Variants in RAB6B observed in about 807,000 individuals in gnomAD.
RAB6B encodes the protein RAB6B, member RAS oncogene family.
In RAB6B, 7 loss-of-function variants were observed where a neutral mutation model predicts 31.2. The ratio of observed to expected loss-of-function variants is 0.22; its 90% CI spans 0.13 to 0.42. The LOEUF is 0.42. RAB6B is among the 10% of genes least tolerant of loss of function. The pLI, the probability that RAB6B is intolerant of heterozygous loss-of-function variation, is 1.00. For missense variants in RAB6B, 149 were observed against 280.6 expected (o/e 0.53, Z 3.35); for synonymous variants, 105 against 104.9 (o/e 1.00, Z -0.01).
At chr3:133,873,422 A>C (rs1434183560) in intron 1 of RAB6B, among the ~76,000 whole-genome samples, 2 of 151,990 alleles carry the variant, frequency 1.3e-5, no homozygotes, top group Admixed American at 6.5e-5. Flanking sequence ...TTTTTCCCCC[A>C]GAGGCTCCAC....
intron 2 of RAB6B, among the ~76,000 whole-genome samples, chr3:133,847,226 C>T (rs7617860): frequency 0.035 from 5,277 of 152,314 alleles, 317 homozygotes; most frequent in African/African-American, 0.12. Flanking sequence ...TTCTGTGTCA[C>T]TGCTAAGAAA....
chr3:133,866,248 C>A (rs753236103), intron 1 of RAB6B, among the ~76,000 whole-genome samples: 1 of 152,090 alleles, frequency 6.6e-6, no homozygotes, highest in Non-Finnish European at 1.5e-5. Flanking sequence ...CAACTCTGGG[C>A]GGCACTCAAG....
chr3:133,863,513 A>G (rs1458022028), intron 2 of RAB6B, among the ~76,000 whole-genome samples: 1 of 152,226 alleles, frequency 6.6e-6, no homozygotes, highest in Non-Finnish European at 1.5e-5. Flanking sequence ...CTCGATAACC[A>G]AGGGATTCCA....
chr3:133,865,939 C>T (rs1936231860), intron 1 of RAB6B, among the ~76,000 whole-genome samples: 1 of 152,218 alleles, frequency 6.6e-6, no homozygotes, highest in Non-Finnish European at 1.5e-5. Context: ...GGGCTAAATT[C>T]AGAAGACCCC....
intron 1 of RAB6B, among the ~76,000 whole-genome samples, chr3:133,879,362 AG>A (rs1425779491): frequency 6.6e-6 from 1 of 152,246 alleles, no homozygotes; most frequent in African/African-American, 2.4e-5. Context: ...AAGGAACTAG[AG>A]TATAACTGTA....
intron 1 of RAB6B, among the ~76,000 whole-genome samples, chr3:133,884,516 C>G (rs189933469): frequency 1.3e-5 from 2 of 152,180 alleles, no homozygotes; most frequent in Admixed American, 6.5e-5. Context: ...TTGGGGACTC[C>G]GGAGCTTGCT....
At chr3:133,871,418 GGAT>G (rs1936321983) in intron 1 of RAB6B, among the ~76,000 whole-genome samples, 1 of 152,226 alleles carries the variant, frequency 6.6e-6, no homozygotes, top group Non-Finnish European at 1.5e-5. Flanking sequence ...GGAAGGGACT[GGAT>G]GAAACGACAG....
chr3:133,858,254 T>C (rs1404154967), intron 2 of RAB6B, among the ~76,000 whole-genome samples: 2 of 152,234 alleles, frequency 1.3e-5, no homozygotes, highest in Non-Finnish European at 2.9e-5. Flanking sequence ...TTAATTTCTC[T>C]TAAAATCAGG....
At position 133,828,191 on chromosome 3, in the gene RAB6B, T is replaced by C. The variant is rs1283833756; in HGVS notation, c.*597A>G. ...CGAGGTTGACGACCCACTCTGGCCA[T>C]GGAAAGACAAGAGTCAGAGCTACCT... On this transcript the variant is annotated 3_prime_UTR_variant, in exon 8 of 8. Coordinates refer to ENST00000285208, the MANE Select transcript of RAB6B (RefSeq NM_016577.4). 10 of 577,026 alleles carry C rather than the reference T, an allele frequency of 1.7e-5. No individual in the cohort carries two copies. Among genetic ancestry groups the C allele is most frequent in the Non-Finnish European group, 3.1e-5 (10 of 324,068 alleles). The allele number at this position is 577,026 out of a possible 1,614,324, so 35.7% of individuals were successfully genotyped here. A position where few individuals can be genotyped will look rare whatever the true frequency, so the allele number is the denominator to read the frequency against.
intron 1 of RAB6B, among the ~76,000 whole-genome samples, chr3:133,865,606 C>T (rs1418662214): frequency 6.6e-6 from 1 of 152,264 alleles, no homozygotes; most frequent in Non-Finnish European, 1.5e-5. Context: ...AGTGGGGAAT[C>T]TGCCCAGCTG....
chr3:133,837,755 A>C (rs1935758422), intron 6 of RAB6B, among the ~76,000 whole-genome samples: 1 of 152,130 alleles, frequency 6.6e-6, no homozygotes, highest in African/African-American at 2.4e-5. Context: ...AGCCCTGAGC[A>C]CTTGCTAAGC....
chr3:133,888,657 T>C (rs1936587607), intron 1 of RAB6B, among the ~76,000 whole-genome samples: 1 of 152,242 alleles, frequency 6.6e-6, no homozygotes, highest in South Asian at 2.1e-4. Flanking sequence ...TGCTAAATTA[T>C]GTATATCAGT....
rs1221130215 is a variant in RAB6B at position 133,866,219 on chromosome 3, C to T, written c.71-1577G>A. 2.6e-5 allele frequency among the ~76,000 whole-genome samples: 4 copies of T among 152,136 alleles called. No individual in the cohort carries two copies. In the East Asian group the frequency reaches 7.7e-4, roughly 29 times the overall value. ...TATCAGATGGAAAAAATATATGTAT[C>T]ACCACCACCCCCAGCCCTCAACTCT... On this transcript the variant is annotated intron_variant, in intron 1 of 7. Coordinates refer to ENST00000285208, the MANE Select transcript of RAB6B (RefSeq NM_016577.4).
rs1225139468 is a variant in RAB6B at position 133,895,259 on chromosome 3, C to T, written c.70+138G>A. On this transcript the variant is annotated intron_variant, in intron 1 of 7. Coordinates refer to ENST00000285208, the MANE Select transcript of RAB6B (RefSeq NM_016577.4). ...CTCCCCAGCCCGACCCCGCCCCGAC[C>T]TCCCCATCCCTGTCCCTCTCCTCTA... The T allele has an allele frequency of 4.5e-6, 4 of 892,728 alleles. No homozygotes were observed. In the African/African-American group the frequency reaches 5.1e-5, roughly 11 times the overall value. The allele number at this position is 892,728 out of a possible 1,614,324, so 55.3% of individuals were successfully genotyped here.
intron 1 of RAB6B, among the ~76,000 whole-genome samples, chr3:133,891,357 G>T (rs2108017875): frequency 6.6e-6 from 1 of 152,326 alleles, no homozygotes; most frequent in African/African-American, 2.4e-5. Context: ...AAGGCCCTCT[G>T]GGTAGGGTGG....
chr3:133,843,097 A>G (rs1935859721), intron 2 of RAB6B, among the ~76,000 whole-genome samples: 1 of 152,190 alleles, frequency 6.6e-6, no homozygotes, highest in African/African-American at 2.4e-5. Context: ...ACTGGCTTGC[A>G]CCCTCCTGGA....
intron 1 of RAB6B, among the ~76,000 whole-genome samples, chr3:133,883,504 A>G (rs1438786254): frequency 6.6e-6 from 1 of 152,130 alleles, no homozygotes; most frequent in Non-Finnish European, 1.5e-5. Flanking sequence ...GGCCCTGTGC[A>G]TGGCCAACAA....
intron 4 of RAB6B, among the ~76,000 whole-genome samples, chr3:133,840,296 A>C (rs1935805886): frequency 6.6e-6 from 1 of 152,198 alleles, no homozygotes; most frequent in East Asian, 1.9e-4. Flanking sequence ...TAGGCCTTGC[A>C]GGGCAGAGCA....
intron 2 of RAB6B, among the ~76,000 whole-genome samples, chr3:133,860,527 G>A (rs181502079): frequency 6.6e-6 from 1 of 152,316 alleles, no homozygotes; most frequent in Non-Finnish European, 1.5e-5. Flanking sequence ...GGCACTCTGC[G>A]GCAATTTGTT....
Sources: gnomAD v4.1 joint callset for allele counts (sites outside exome capture counted in the v4.1 genomes callset) on GRCh38, gnomAD v4.1.1 for gene constraint, MANE v1.5 for transcripts, NCBI Gene and HGNC (gene_info 2026-07-23, HGNC 2026-07-21) for gene names.